The following NSD1 variants were observed in gnomAD, a reference collection of about 807,000 sequenced individuals.
NSD1 encodes nuclear receptor binding SET domain protein 1, also known as histone-lysine N-methyltransferase, H3 lysine-36 specific.
NSD1 carries 26 observed loss-of-function variants against 242.7 expected under a neutral mutation model. The observed-to-expected ratio is 0.11, with a 90% confidence interval of 0.08 to 0.15. NSD1 has a LOEUF of 0.15. NSD1 is among the 10% of genes least tolerant of loss of function. The probability of loss-of-function intolerance (pLI) is 1.00; values close to 1 mark genes in which losing one functional copy is unlikely to be tolerated. For missense variants in NSD1, 2,495 were observed against 3,272.8 expected (o/e 0.76, Z 5.80); for synonymous variants, 1,106 against 1,178.1 (o/e 0.94, Z 1.25).
rs34640392 is a variant in NSD1 at position 177,238,078 on chromosome 5, CT to C, written c.3922-157del. On this transcript the variant is annotated intron_variant, in intron 6 of 22. Transcript: ENST00000439151. The surrounding 1 kb of genome is among the most constrained non-coding windows in gnomAD (Gnocchi z 4.6). ...ATCATACGATATTTGTTCTTTGTGT[CT>C]TAAGTAATTTCCCTTAGCATACATA... Among the ~76,000 whole-genome samples, 7,404 of 152,196 alleles carry C rather than the reference CT, an allele frequency of 0.049. 198 individuals carry two copies. The highest frequency in any genetic ancestry group is 0.082 in the South Asian group (394 of 4,822).
chr5:177,131,966 G>A (rs1412922836), upstream of NSD1, among the ~76,000 whole-genome samples: 1 of 152,246 alleles, frequency 6.6e-6, no homozygotes, highest in Non-Finnish European at 1.5e-5. Flanking sequence ...AAGCCCAGGG[G>A]GCGACGGAGT....
rs187278655 is a variant in NSD1, at chr5:177,265,264, A to G, written c.5147-2298A>G. 4,474 of 704,508 alleles carry G rather than the reference A, an allele frequency of 6.4e-3. 21 individuals carry two copies. The highest frequency in any genetic ancestry group is 9.8e-3 in the Non-Finnish European group (3,880 of 395,256). The allele number at this position is 704,508 out of a possible 1,614,324, so 43.6% of individuals were successfully genotyped here. A position where few individuals can be genotyped will look rare whatever the true frequency, so the allele number is the denominator to read the frequency against. Reference sequence around the variant, plus strand: ...TCATAGGTGTTAAAAAAAATAAAAGACCTCTGGACTGTTAAAAAAAAAAAG... The same window carrying G: ...TCATAGGTGTTAAAAAAAATAAAAGGCCTCTGGACTGTTAAAAAAAAAAAG... On this transcript the variant is annotated intron_variant, in intron 14 of 22. Coordinates refer to ENST00000439151, the MANE Select transcript of NSD1 (RefSeq NM_022455.5).
rs572201090 is a variant in NSD1, at chr5:177,274,859, G to A, written c.5622+1075G>A. ...AGCAAGTCTTCTGCCGCAGCCTCCC[G>A]AGTAGCTGGGATTACAGGCGCACAC... On this transcript the variant is annotated intron_variant, in intron 17 of 22. Transcript: ENST00000439151. Among the ~76,000 whole-genome samples the A allele has an allele frequency of 1.1e-3, 161 of 151,964 alleles. 1 individual carries two copies. Among genetic ancestry groups the A allele is most frequent in the African/African-American group, 3.7e-3 (153 of 41,444 alleles).
intron 5 of NSD1, among the ~76,000 whole-genome samples, chr5:177,231,975 C>T (rs770686868): frequency 2.0e-5 from 3 of 152,078 alleles, no homozygotes. Flanking sequence ...TCTTGGCTCA[C>T]TGCAGCCCCT....
At chr5:177,167,710 T>C (rs770404309) in intron 2 of NSD1, among the ~76,000 whole-genome samples, 3 of 152,176 alleles carry the variant, frequency 2.0e-5, no homozygotes, top group Non-Finnish European at 2.9e-5. Flanking sequence ...TGGTCTCAGA[T>C]ATACGATGGT....
intron 2 of NSD1, among the ~76,000 whole-genome samples, chr5:177,138,708 C>T (rs896110002): frequency 2.0e-5 from 3 of 151,812 alleles, no homozygotes; most frequent in Admixed American, 6.6e-5. Context: ...GGCATGATCT[C>T]GGCTCACTGC....
intron 5 of NSD1, among the ~76,000 whole-genome samples, chr5:177,233,329 T>G (rs1200016582): frequency 2.0e-5 from 3 of 151,962 alleles, no homozygotes; most frequent in African/African-American, 7.2e-5. Flanking sequence ...TTGGCTTCCC[T>G]AAGTGCTAGG....
intron 5 of NSD1, chr5:177,220,953 C>T: frequency 2.2e-6 from 1 of 445,906 alleles, no homozygotes. Context: ...CAACCTCCAC[C>T]TCTGGGTTCA....
chr5:177,214,716 G>A (rs879944449), intron 5 of NSD1, among the ~76,000 whole-genome samples: 2 of 149,408 alleles, frequency 1.3e-5, no homozygotes, highest in African/African-American at 2.5e-5. Context: ...CACCCAGGCT[G>A]GAGTGCAGTG....
chr5:177,149,538 A>T (rs966094684), intron 2 of NSD1, among the ~76,000 whole-genome samples: 6 of 152,018 alleles, frequency 3.9e-5, no homozygotes, highest in African/African-American at 1.2e-4. Flanking sequence ...TTTTTTCTGT[A>T]GTCTAGATTA....
In NSD1 at chr5:177,136,010, A is replaced by G. The variant is rs1393623812; in HGVS notation, c.907A>G (p.Thr303Ala). 6.2e-7 allele frequency: 1 copy of G among 1,614,082 alleles called. No individual in the cohort carries two copies. Among genetic ancestry groups the G allele is most frequent in the Non-Finnish European group, 8.5e-7 (1 of 1,180,000 alleles). Residue 303 changes from threonine (T) to alanine (A), a missense_variant, in exon 2 of 23, where the codon ACT becomes GCT. By Grantham distance (58) the Thr-to-Ala change is moderately conservative (BLOSUM62 0). This residue lies in a region of NSD1 where 376 missense variants were observed against 367.4 expected (regional missense o/e 1.02). Transcript: ENST00000439151. ...ATTACCTGGAACTTCATCATCATCT[A>G]CTTCACAGGAATTGCCATTTGTAAG... Reference protein sequence around the residue: ...LELPGTSSSSTSQELPFCQPK... With the variant: ...LELPGTSSSSASQELPFCQPK...
chr5:177,192,108 C>T, intron 3 of NSD1, 89 bp downstream of exon 3: 2 of 1,212,430 alleles, frequency 1.6e-6, no homozygotes, highest in South Asian at 3.1e-5. Flanking sequence ...TATTTTTTTC[C>T]TTGGAACATT....
In NSD1 at chr5:177,295,046, T is replaced by C. The variant is rs1388409083; in HGVS notation, c.7678T>C (p.Ser2560Pro). The change falls in exon 23 of 23, where the codon TCT (serine) becomes CCT (proline). Residue 2560 changes from serine to proline, a missense_variant. Coordinates refer to ENST00000439151, the MANE Select transcript of NSD1 (RefSeq NM_022455.5). The surrounding 1 kb of genome is among the most constrained non-coding windows in gnomAD (Gnocchi z 4.3). ...AACAACTCAGGCCTCAGGAAGAGCT[T>C]CTGCAGGGGCTGAGCAGACCCCAGG... Reference protein sequence around the residue: ...EPTTQASGRASAGAEQTPGPL... With the variant: ...EPTTQASGRAPAGAEQTPGPL... The C allele has an allele frequency of 1.9e-6, 3 of 1,613,840 alleles. No individual in the cohort carries two copies. The East Asian group carries it at 6.7e-5, about 36-fold the overall frequency.
chr5:177,156,173 G>GTTTTTT (rs1167287541), intron 2 of NSD1, among the ~76,000 whole-genome samples: 1 of 116,762 alleles, frequency 8.6e-6, no homozygotes, highest in Non-Finnish European at 1.7e-5. Flanking sequence ...GCTCTTTTCA[G>GTTTTTT]ATTTTTTTTT....
chr5:177,218,273 C>G (rs1433784052), intron 5 of NSD1, among the ~76,000 whole-genome samples: 1 of 152,084 alleles, frequency 6.6e-6, no homozygotes, highest in Non-Finnish European at 1.5e-5. Flanking sequence ...GTCTCAGACT[C>G]CTGGGCTCAA....
intron 19 of NSD1, 99 bp from the exon 20 acceptor site, chr5:177,283,688 T>C: frequency 7.2e-7 from 1 of 1,386,732 alleles, no homozygotes; most frequent in East Asian, 2.3e-5. Flanking sequence ...GTTCAGTCTT[T>C]ACAAATAGAA....
At chr5:177,223,281 C>T (rs182042991) in intron 5 of NSD1, among the ~76,000 whole-genome samples, 1 of 151,928 alleles carries the variant, frequency 6.6e-6, no homozygotes, top group Admixed American at 6.6e-5. Flanking sequence ...AGTCTAGGCA[C>T]GGTGGCTAGG....
At chr5:177,260,209 G>T (rs774624270) in intron 14 of NSD1, 41 bp downstream of exon 14, 8 of 1,580,168 alleles carry the variant, frequency 5.1e-6, no homozygotes, top group Non-Finnish European at 6.9e-6. Flanking sequence ...TCTAAAAAGG[G>T]ATTAAATCAA....
At chr5:177,252,300 G>A (rs2149905362) in intron 12 of NSD1, among the ~76,000 whole-genome samples, 1 of 152,172 alleles carries the variant, frequency 6.6e-6, no homozygotes, top group South Asian at 2.1e-4. Context: ...TTGGTTACTG[G>A]TAATATTTTA....
Sources: allele counts gnomAD v4.1 joint callset (sites outside exome capture counted in the v4.1 genomes callset), GRCh38; gene constraint gnomAD v4.1.1; regional missense constraint gnomAD v4.1.1; non-coding constraint Gnocchi (gnomAD v3.1); transcripts MANE v1.5; gene names NCBI Gene and HGNC (gene_info 2026-07-23, HGNC 2026-07-21).